The following KLHL1 variants were observed in gnomAD, a reference collection of about 807,000 sequenced individuals.
KLHL1 encodes kelch like family member 1.
Under a neutral mutation model 77.7 loss-of-function variants are expected in KLHL1, and 47 were observed. That is an observed-to-expected ratio of 0.60 (90% CI 0.48 to 0.77). The LOEUF (loss-of-function observed/expected upper bound fraction) is 0.77, where lower values mean the gene tolerates loss of function less well. KLHL1 is among the 30% of genes least tolerant of loss of function. The pLI is 0.00. For missense variants in KLHL1, 925 were observed against 910.8 expected (o/e 1.02, Z -0.20); for synonymous variants, 360 against 325.2 (o/e 1.11, Z -1.15).
chr13:69,939,750 A>G (rs7319197), intron 4 of KLHL1, among the ~76,000 whole-genome samples: 19,208 of 151,946 alleles, frequency 0.13, 1,888 homozygotes, highest in East Asian at 0.29. Context: ...CTCATACCTC[A>G]CCCTACACAT....
At chr13:70,059,279 C>T (rs1422001771) in intron 1 of KLHL1, among the ~76,000 whole-genome samples, 2 of 151,888 alleles carry the variant, frequency 1.3e-5, no homozygotes, top group Non-Finnish European at 2.9e-5. Flanking sequence ...CTGGCTCAGA[C>T]TCCCAAGTAT....
At position 69,961,291 on chromosome 13, in the gene KLHL1, T is replaced by C. The variant is rs1475500604; in HGVS notation, c.817+17A>G. On this transcript the variant is annotated intron_variant, in intron 3 of 10. Transcript: ENST00000377844. Reference sequence around the variant, plus strand: ...TTTATAAGACATCAGAATGATGTTATAATTATTTTGCCATACCTGTATATG... The same window carrying C: ...TTTATAAGACATCAGAATGATGTTACAATTATTTTGCCATACCTGTATATG... 6.3e-7 allele frequency: 1 copy of C among 1,599,316 alleles called. No individual in the cohort carries two copies.
chr13:69,734,343 T>C (rs1313172556), intron 8 of KLHL1, among the ~76,000 whole-genome samples: 5 of 152,166 alleles, frequency 3.3e-5, no homozygotes, highest in Non-Finnish European at 7.3e-5. Context: ...CTACATAGCC[T>C]GAAGAAGTGA....
chr13:69,721,654 A>G (rs987145415), intron 8 of KLHL1, among the ~76,000 whole-genome samples: 3 of 152,150 alleles, frequency 2.0e-5, no homozygotes, highest in African/African-American at 2.4e-5. Context: ...CTCTAATACC[A>G]TATAATAACT....
intron 1 of KLHL1, among the ~76,000 whole-genome samples, chr13:70,006,465 T>C (rs1479031633): frequency 6.6e-6 from 1 of 151,492 alleles, no homozygotes; most frequent in East Asian, 1.9e-4. Flanking sequence ...CTTTAGATTT[T>C]GCTTTACTCA....
chr13:69,740,673 A>C, intron 7 of KLHL1, 117 bp from the exon 8 acceptor site: 2 of 642,562 alleles, frequency 3.1e-6, no homozygotes, highest in Admixed American at 3.4e-5. Context: ...AAATGAAAAA[A>C]AATTAAAAAT....
At chr13:69,802,908 C>G (rs2138049208) in intron 6 of KLHL1, 1 of 152,214 alleles carries the variant, frequency 6.6e-6, no homozygotes, top group East Asian at 1.9e-4. Context: ...CTACAATGTC[C>G]ATTGATTATT....
intron 1 of KLHL1, among the ~76,000 whole-genome samples, chr13:70,093,215 G>A (rs1400114767): frequency 1.3e-5 from 2 of 152,082 alleles, no homozygotes; most frequent in African/African-American, 4.8e-5. Context: ...AAAGGGGAAG[G>A]CAATAAAGGC....
chr13:70,056,167 G>C (rs1012571827), intron 1 of KLHL1, among the ~76,000 whole-genome samples: 1 of 151,812 alleles, frequency 6.6e-6, no homozygotes. Context: ...CATGGAAATG[G>C]AAACCAAAAA....
intron 9 of KLHL1, among the ~76,000 whole-genome samples, chr13:69,713,013 T>C (rs1265481815): frequency 6.6e-6 from 1 of 152,026 alleles, no homozygotes; most frequent in Non-Finnish European, 1.5e-5. Flanking sequence ...TAAATTTTAG[T>C]GAGATGAGAT....
chr13:69,868,841 C>T (rs1394959337), intron 5 of KLHL1, among the ~76,000 whole-genome samples: 3 of 152,006 alleles, frequency 2.0e-5, no homozygotes, highest in Non-Finnish European at 2.9e-5. Context: ...ACCTAAAATA[C>T]AGTCTACTTT....
chr13:70,085,145 G>A (rs549169913), intron 1 of KLHL1, among the ~76,000 whole-genome samples: 1 of 152,226 alleles, frequency 6.6e-6, no homozygotes, highest in South Asian at 2.1e-4. Flanking sequence ...GTATGAATGT[G>A]GGAATGTATG....
intron 1 of KLHL1, among the ~76,000 whole-genome samples, chr13:70,105,929 G>C (rs1181153607): frequency 6.7e-6 from 1 of 150,082 alleles, no homozygotes; most frequent in East Asian, 2.0e-4. Flanking sequence ...TTACATTATA[G>C]TACATGTCTT....
chr13:70,039,873 T>C (rs781501513), intron 1 of KLHL1, among the ~76,000 whole-genome samples: 2 of 152,104 alleles, frequency 1.3e-5, no homozygotes, highest in Non-Finnish European at 2.9e-5. Flanking sequence ...AATTCTGACC[T>C]CAAGTGATCT....
At chr13:69,954,152 G>A (rs1331842852) in intron 3 of KLHL1, among the ~76,000 whole-genome samples, 7 of 151,212 alleles carry the variant, frequency 4.6e-5, no homozygotes, top group Non-Finnish European at 1.0e-4. Flanking sequence ...AAATGTCCAA[G>A]GATCAGAATG....
At chr13:69,865,905 C>A (rs1036760081) in intron 5 of KLHL1, among the ~76,000 whole-genome samples, 1 of 151,898 alleles carries the variant, frequency 6.6e-6, no homozygotes, top group Admixed American at 6.6e-5. Flanking sequence ...TTTATCTGCC[C>A]AATTTTATGT....
chr13:69,844,686 C>T (rs1879388718), intron 5 of KLHL1, among the ~76,000 whole-genome samples: 1 of 151,600 alleles, frequency 6.6e-6, no homozygotes, highest in African/African-American at 2.4e-5. Context: ...TACTACCCAG[C>T]TTCCTATTGC....
At chr13:69,771,245 T>G (rs1875548813) in intron 7 of KLHL1, among the ~76,000 whole-genome samples, 2 of 151,208 alleles carry the variant, frequency 1.3e-5, no homozygotes, top group Non-Finnish European at 2.9e-5. Context: ...CTACAACCCA[T>G]TGTCTAACAC....
intron 3 of KLHL1, among the ~76,000 whole-genome samples, chr13:69,955,944 T>A (rs10669137): frequency 8.2e-5 from 11 of 133,940 alleles, no homozygotes; most frequent in African/African-American, 2.2e-4. Flanking sequence ...TGATATATAT[T>A]TATATATATA....
Sources: allele counts gnomAD v4.1 joint callset (sites outside exome capture counted in the v4.1 genomes callset), GRCh38; gene constraint gnomAD v4.1.1; transcripts MANE v1.5; gene names NCBI Gene and HGNC (gene_info 2026-07-23, HGNC 2026-07-21).